CNTN5: variants seen among roughly 807,000 people sequenced by gnomAD.
The protein encoded by CNTN5 is contactin 5, also known as contactin-5.
A neutral mutation model predicts 129.1 loss-of-function variants in CNTN5; 77 were observed. The ratio of observed to expected loss-of-function variants is 0.60; its 90% CI spans 0.50 to 0.72. CNTN5 has a LOEUF of 0.72. Among genes scored for constraint, CNTN5 ranks in the 30% least tolerant of loss-of-function variants. The pLI is 0.00. For missense variants in CNTN5, 1,478 were observed against 1,328.8 expected, an observed-to-expected ratio of 1.11 and a Z score of -1.75; for synonymous variants, 509 against 465.6, an observed-to-expected ratio of 1.09 and a Z score of -1.20.
At chr11:99,242,722 G>A (rs58851213) in intron 1 of CNTN5, among the ~76,000 whole-genome samples, 2,601 of 152,164 alleles carry the variant, frequency 0.017, 87 homozygotes, top group African/African-American at 0.06. Context: ...GCTTCTAAGT[G>A]AGAATATGAA....
intron 6 of CNTN5, among the ~76,000 whole-genome samples, chr11:99,890,741 T>A (rs531807911): frequency 5.4e-4 from 82 of 152,130 alleles, no homozygotes; most frequent in African/African-American, 1.9e-3. Flanking sequence ...TTCCAAAGAA[T>A]CAGCACGGAA....
chr11:99,132,853 C>T (rs1352195066), intron 1 of CNTN5, among the ~76,000 whole-genome samples: 4 of 152,024 alleles, frequency 2.6e-5, no homozygotes, highest in African/African-American at 9.7e-5. Context: ...AGATTAAATG[C>T]TATTCCCATT....
At chr11:100,199,685 G>T (rs569161341) in intron 15 of CNTN5, among the ~76,000 whole-genome samples, 1 of 151,712 alleles carries the variant, frequency 6.6e-6, no homozygotes, top group Non-Finnish European at 1.5e-5. Flanking sequence ...AAATCATTCC[G>T]AAAGCAAATA....
chr11:99,287,895 G>GA, intron 1 of CNTN5, among the ~76,000 whole-genome samples: 1 of 151,810 alleles, frequency 6.6e-6, no homozygotes, highest in East Asian at 1.9e-4. Context: ...GAAGATAAAT[G>GA]AAAAAAGAAG....
chr11:99,131,365 A>G (rs1413399627), intron 1 of CNTN5, among the ~76,000 whole-genome samples: 2 of 151,962 alleles, frequency 1.3e-5, no homozygotes, highest in African/African-American at 4.8e-5. Context: ...CCAAGAGCAA[A>G]GAAATCCCAC....
At chr11:99,374,616 G>A (rs901363884) in intron 2 of CNTN5, among the ~76,000 whole-genome samples, 3 of 151,970 alleles carry the variant, frequency 2.0e-5, no homozygotes, top group Admixed American at 6.6e-5. Context: ...CCCAGGAGGC[G>A]GAGCTTACAG....
intron 3 of CNTN5, among the ~76,000 whole-genome samples, chr11:99,753,186 G>A (rs114394753): frequency 1.3e-3 from 193 of 144,916 alleles, no homozygotes; most frequent in African/African-American, 4.8e-3. Flanking sequence ...ACGGTGGCGA[G>A]ATCTCGACTC....
At chr11:99,975,330 G>A (rs886252176) in intron 8 of CNTN5, among the ~76,000 whole-genome samples, 1 of 152,170 alleles carries the variant, frequency 6.6e-6, no homozygotes, top group African/African-American at 2.4e-5. Context: ...GGACTTGCAT[G>A]AGGCCTGTAG....
chr11:99,505,407 A>G (rs572109543), intron 2 of CNTN5, among the ~76,000 whole-genome samples: 1 of 152,314 alleles, frequency 6.6e-6, no homozygotes, highest in East Asian at 1.9e-4. Flanking sequence ...CAGAAGAGAG[A>G]AAGAGTTAGT....
chr11:99,671,143 A>G (rs866260644), intron 3 of CNTN5, among the ~76,000 whole-genome samples: 26 of 41,490 alleles, frequency 6.3e-4, no homozygotes, highest in Middle Eastern at 0.011. Context: ...TCCCATGTAG[A>G]TTGAGTTTTT....
At chr11:100,347,537 A>G (rs1330218350) in intron 23 of CNTN5, among the ~76,000 whole-genome samples, 5 of 152,098 alleles carry the variant, frequency 3.3e-5, no homozygotes, top group African/African-American at 1.2e-4. Flanking sequence ...CACATGCAGT[A>G]TATATATGAA....
At chr11:99,058,531 C>T (rs1193154578) in intron 1 of CNTN5, among the ~76,000 whole-genome samples, 1 of 151,992 alleles carries the variant, frequency 6.6e-6, no homozygotes, top group African/African-American at 2.4e-5. Flanking sequence ...AGCTTTACCA[C>T]ACATACATAG....
intron 2 of CNTN5, among the ~76,000 whole-genome samples, chr11:99,387,145 G>T (rs1407659402): frequency 1.3e-5 from 2 of 152,094 alleles, no homozygotes; most frequent in East Asian, 3.9e-4. Context: ...TTAATTAATA[G>T]AGGTTGATTT....
intron 2 of CNTN5, among the ~76,000 whole-genome samples, chr11:99,335,524 G>A (rs1438394925): frequency 6.6e-6 from 1 of 151,880 alleles, no homozygotes; most frequent in Non-Finnish European, 1.5e-5. Flanking sequence ...TGAGAGGGTA[G>A]GGAAAACAAG....
At chr11:99,685,130 A>G (rs1353716551) in intron 3 of CNTN5, among the ~76,000 whole-genome samples, 2 of 151,104 alleles carry the variant, frequency 1.3e-5, no homozygotes, top group Admixed American at 6.6e-5. Flanking sequence ...ATTTTTTTCC[A>G]TTTTCATTAT....
At chr11:100,135,435 A>G (rs1468075034) in intron 13 of CNTN5, among the ~76,000 whole-genome samples, 2 of 152,052 alleles carry the variant, frequency 1.3e-5, no homozygotes, top group Admixed American at 1.3e-4. Context: ...TCTACCTCCC[A>G]CAGTGCTGGG....
chr11:99,441,797 C>CT (rs981280832), intron 2 of CNTN5, among the ~76,000 whole-genome samples: 39 of 151,538 alleles, frequency 2.6e-4, no homozygotes, highest in East Asian at 1.6e-3. Context: ...GCTCAGAACT[C>CT]TTTTTTTTTA....
intron 6 of CNTN5, among the ~76,000 whole-genome samples, chr11:99,894,326 G>T (rs1949141366): frequency 6.6e-6 from 1 of 151,688 alleles, no homozygotes; most frequent in African/African-American, 2.4e-5. Context: ...AAATGTAAAG[G>T]CTTATAAAGA....
chr11:99,332,895 C>A (rs1446076172), intron 2 of CNTN5, among the ~76,000 whole-genome samples: 1 of 152,074 alleles, frequency 6.6e-6, no homozygotes, highest in African/African-American at 2.4e-5. Context: ...AATGTTATTT[C>A]ATGAATGATA....
Sources: gnomAD v4.1 joint callset for allele counts (sites outside exome capture counted in the v4.1 genomes callset) on GRCh38, gnomAD v4.1.1 for gene constraint, MANE v1.5 for transcripts, NCBI Gene and HGNC (gene_info 2026-07-23, HGNC 2026-07-21) for gene names.